LRGUK: variants seen among roughly 807,000 people sequenced by gnomAD.
LRGUK encodes leucine rich repeats and guanylate kinase domain containing.
Under a neutral mutation model 76.0 loss-of-function variants are expected in LRGUK, and 65 were observed. The observed-to-expected ratio is 0.85, with a 90% confidence interval of 0.70 to 1.05. LRGUK has a LOEUF of 1.05. Among genes scored for constraint, LRGUK ranks in the 50% least tolerant of loss-of-function variants. The probability of loss-of-function intolerance (pLI) is 0.00; values close to 1 mark genes in which losing one functional copy is unlikely to be tolerated. For missense variants in LRGUK, 758 were observed against 732.8 expected (o/e 1.03, Z -0.40); for synonymous variants, 268 against 265.6 (o/e 1.01, Z -0.09).
chr7:134,139,410 A>C (rs751146159), intron 2 of LRGUK, 26 bp from the exon 3 acceptor site: 15 of 1,481,824 alleles, frequency 1.0e-5, no homozygotes, highest in Non-Finnish European at 1.4e-5. Flanking sequence ...AGCAACATTA[A>C]AGTCTTTTAC....
intron 4 of LRGUK, among the ~76,000 whole-genome samples, chr7:134,147,951 A>C (rs1798046383): frequency 6.6e-6 from 1 of 150,716 alleles, no homozygotes; most frequent in South Asian, 2.1e-4. Context: ...AATCCCAGCT[A>C]CTGGGGAGGC....
At chr7:134,255,012 C>G (rs1246734098) in intron 18 of LRGUK, among the ~76,000 whole-genome samples, 1 of 151,936 alleles carries the variant, frequency 6.6e-6, no homozygotes, top group Non-Finnish European at 1.5e-5. Flanking sequence ...GTCTATAATG[C>G]GTATGATTTA....
At chr7:134,210,955 C>T (rs1434066114), downstream of LRGUK, among the ~76,000 whole-genome samples, 1 of 152,230 alleles carries the variant, frequency 6.6e-6, no homozygotes, top group Non-Finnish European at 1.5e-5. Context: ...GCAGTCAGAG[C>T]ACCAAGGTTT....
chr7:134,269,314 G>C (rs1451623203), downstream of LRGUK, among the ~76,000 whole-genome samples: 1 of 149,686 alleles, frequency 6.7e-6, no homozygotes, highest in Non-Finnish European at 1.5e-5. Context: ...TTTCATTGTG[G>C]TCAGATCAGA....
At chr7:134,151,276 A>C (rs530327690) in intron 5 of LRGUK, among the ~76,000 whole-genome samples, 1 of 152,316 alleles carries the variant, frequency 6.6e-6, no homozygotes, top group African/African-American at 2.4e-5. Context: ...ATTTTAAAAC[A>C]ACTTTTATGC....
chr7:134,198,389 T>C (rs1800606123), intron 13 of LRGUK, among the ~76,000 whole-genome samples: 1 of 152,182 alleles, frequency 6.6e-6, no homozygotes, highest in African/African-American at 2.4e-5. Flanking sequence ...AATCCATGCT[T>C]GATTCCCCTG....
intron 5 of LRGUK, among the ~76,000 whole-genome samples, chr7:134,149,232 T>C (rs1196241584): frequency 6.6e-6 from 1 of 152,110 alleles, no homozygotes; most frequent in Non-Finnish European, 1.5e-5. Flanking sequence ...CCTAAGGGGC[T>C]AATTGGAGAT....
chr7:134,230,811 C>T (rs1325036313), intron 16 of LRGUK, among the ~76,000 whole-genome samples: 1 of 152,084 alleles, frequency 6.6e-6, no homozygotes, highest in Non-Finnish European at 1.5e-5. Flanking sequence ...TAGGGAAGCA[C>T]ATTTAGGTGA....
intron 1 of LRGUK, among the ~76,000 whole-genome samples, chr7:134,129,238 TTCCC>T (rs1270099287): frequency 1.6e-5 from 2 of 126,318 alleles, no homozygotes; most frequent in Admixed American, 7.7e-5. Flanking sequence ...CTTCCTTCCT[TTCCC>T]TCCCTCCCTC....
rs767257912 is a variant in LRGUK, at chr7:134,139,432, T to C, written c.406-4T>C. Reference sequence around the variant, plus strand: ...TTAAAGTCTTTTACCTTTTGTTTTCTCAGGGTTGTAATTTAATTGATGTTA... The same window carrying C: ...TTAAAGTCTTTTACCTTTTGTTTTCCCAGGGTTGTAATTTAATTGATGTTA... On this transcript the variant is annotated splice_region_variant and splice_polypyrimidine_tract_variant and intron_variant, in intron 2 of 15. Coordinates refer to ENST00000645682, the Ensembl canonical transcript of LRGUK. 2 of 1,598,138 alleles carry C rather than the reference T, an allele frequency of 1.3e-6. No homozygotes were observed. The highest frequency in any genetic ancestry group is 3.4e-5 in the Admixed American group (2 of 59,490).
intron 10 of LRGUK, among the ~76,000 whole-genome samples, 188 bp downstream of exon 10, chr7:134,178,797 T>A (rs1585501265): frequency 6.6e-6 from 1 of 151,868 alleles, no homozygotes; most frequent in Admixed American, 6.6e-5. Flanking sequence ...ATATTATTAA[T>A]ATCATGTACT....
At chr7:134,179,503 A>C (rs1478701281) in intron 10 of LRGUK, among the ~76,000 whole-genome samples, 3 of 152,184 alleles carry the variant, frequency 2.0e-5, no homozygotes, top group Non-Finnish European at 2.9e-5. Flanking sequence ...AATAATGTAG[A>C]CGTTGACAGT....
chr7:134,185,270 T>C (rs1205814628), intron 11 of LRGUK, among the ~76,000 whole-genome samples: 1 of 146,936 alleles, frequency 6.8e-6, no homozygotes, highest in Non-Finnish European at 1.5e-5. Flanking sequence ...GTTTAAAGAG[T>C]TTTTTAGAGG....
downstream of LRGUK, among the ~76,000 whole-genome samples, chr7:134,266,384 G>A (rs1802856578): frequency 1.3e-5 from 2 of 152,168 alleles, no homozygotes; most frequent in Non-Finnish European, 2.9e-5. Context: ...TTAGGAACAT[G>A]ACTGAAACAA....
At chr7:134,262,527 G>T (rs1802756487) in intron 19 of LRGUK, among the ~76,000 whole-genome samples, 1 of 152,112 alleles carries the variant, frequency 6.6e-6, no homozygotes, top group African/African-American at 2.4e-5. Context: ...AGCAATTCCG[G>T]CACCCTGAGA....
chr7:134,233,180 T>C (rs1801941827), intron 16 of LRGUK, among the ~76,000 whole-genome samples: 1 of 152,226 alleles, frequency 6.6e-6, no homozygotes, highest in Non-Finnish European at 1.5e-5. Flanking sequence ...CCCTCCCTGA[T>C]AGTAACCCAA....
chr7:134,141,610 T>G (rs1487480808), intron 3 of LRGUK: 1 of 152,208 alleles, frequency 6.6e-6, no homozygotes, highest in African/African-American at 2.4e-5. Context: ...TCTTTGTCTC[T>G]AGCTAAGTAC....
chr7:134,265,843 C>T (rs879621428), downstream of LRGUK, among the ~76,000 whole-genome samples: 2 of 152,300 alleles, frequency 1.3e-5, no homozygotes, highest in East Asian at 1.9e-4. Flanking sequence ...TCTTCTCCTT[C>T]CCACTGGAGA....
At chr7:134,266,527 A>G (rs1266879614), downstream of LRGUK, among the ~76,000 whole-genome samples, 1 of 152,208 alleles carries the variant, frequency 6.6e-6, no homozygotes, top group Non-Finnish European at 1.5e-5. Flanking sequence ...TTGGATGGGC[A>G]CAAGAGTGAA....
Sources: allele counts gnomAD v4.1 joint callset (sites outside exome capture counted in the v4.1 genomes callset), GRCh38; gene constraint gnomAD v4.1.1; transcripts MANE v1.5; gene names NCBI Gene and HGNC (gene_info 2026-07-23, HGNC 2026-07-21).